Variants in PARD3B observed in about 807,000 individuals in gnomAD.
The protein encoded by PARD3B is par-3 family cell polarity regulator beta.
PARD3B carries 103 observed loss-of-function variants against 130.2 expected under a neutral mutation model. The ratio of observed to expected loss-of-function variants is 0.79; its 90% CI spans 0.67 to 0.93. The LOEUF (loss-of-function observed/expected upper bound fraction) is 0.93, where lower values mean the gene tolerates loss of function less well. Ranked by LOEUF, PARD3B falls within the 40% of genes least tolerant of loss-of-function variation. PARD3B has a pLI of 0.00. For missense variants in PARD3B, 1,609 were observed against 1,499.2 expected (o/e 1.07, Z -1.21); for synonymous variants, 583 against 553.2 (o/e 1.05, Z -0.76).
intron 12 of PARD3B, 25 bp downstream of exon 12, chr2:205,172,406 A>G (rs1336773911): frequency 6.2e-7 from 1 of 1,602,830 alleles, no homozygotes; most frequent in Admixed American, 1.7e-5. Context: ...GATTCTCCTC[A>G]GCCAGTTGCC....
At chr2:204,839,053 A>C (rs1575108544) in intron 2 of PARD3B, among the ~76,000 whole-genome samples, 2 of 152,318 alleles carry the variant, frequency 1.3e-5, no homozygotes, top group East Asian at 3.9e-4. Context: ...TTGATTTGCC[A>C]AATCTGTAGT....
chr2:204,761,180 G>A (rs544160928), intron 2 of PARD3B, among the ~76,000 whole-genome samples: 7 of 152,118 alleles, frequency 4.6e-5, no homozygotes, highest in Non-Finnish European at 1.0e-4. Context: ...GTATGGCCAA[G>A]GATGACTTTC....
At chr2:204,559,363 C>T (rs2125052987) in intron 1 of PARD3B, among the ~76,000 whole-genome samples, 1 of 152,296 alleles carries the variant, frequency 6.6e-6, no homozygotes, top group Non-Finnish European at 1.5e-5. Context: ...ACAACCCCAT[C>T]ACAAAGTGGG....
At chr2:205,574,304 T>C (rs1376736904) in intron 22 of PARD3B, among the ~76,000 whole-genome samples, 1 of 152,132 alleles carries the variant, frequency 6.6e-6, no homozygotes, top group Non-Finnish European at 1.5e-5. Flanking sequence ...AGACAAAACA[T>C]GTCACTTAAT....
chr2:204,637,072 T>A (rs1172415704), intron 1 of PARD3B, among the ~76,000 whole-genome samples: 1 of 152,062 alleles, frequency 6.6e-6, no homozygotes, highest in Non-Finnish European at 1.5e-5. Flanking sequence ...CATACTGTTT[T>A]AATGTGTTTT....
At chr2:205,529,294 C>A (rs142805607) in intron 21 of PARD3B, among the ~76,000 whole-genome samples, 98 of 152,272 alleles carry the variant, frequency 6.4e-4, no homozygotes, top group African/African-American at 2.3e-3. Flanking sequence ...TAATGAACTG[C>A]TGAAATACAC....
chr2:205,162,580 A>G (rs2034566521), intron 11 of PARD3B, among the ~76,000 whole-genome samples: 1 of 152,260 alleles, frequency 6.6e-6, no homozygotes, highest in Non-Finnish European at 1.5e-5. Context: ...AATATACTAA[A>G]TACAAGCATA....
At chr2:204,576,285 C>G (rs187043523) in intron 1 of PARD3B, among the ~76,000 whole-genome samples, 1 of 152,278 alleles carries the variant, frequency 6.6e-6, no homozygotes, top group East Asian at 1.9e-4. Context: ...GCCACCCTAA[C>G]CTTGCTACAC....
chr2:204,577,023 A>G (rs1310914716), intron 1 of PARD3B, among the ~76,000 whole-genome samples: 1 of 152,162 alleles, frequency 6.6e-6, no homozygotes, highest in East Asian at 1.9e-4. Context: ...CTTGAAAAAA[A>G]TTATTTTTCT....
chr2:205,441,329 G>A (rs1427164358), intron 20 of PARD3B, among the ~76,000 whole-genome samples: 1 of 152,176 alleles, frequency 6.6e-6, no homozygotes, highest in African/African-American at 2.4e-5. Flanking sequence ...ATTGAAGTAG[G>A]TAGAAAACAA....
intron 14 of PARD3B, among the ~76,000 whole-genome samples, chr2:205,186,907 C>T (rs1025701397): frequency 2.6e-5 from 4 of 152,092 alleles, no homozygotes; most frequent in African/African-American, 7.2e-5. Flanking sequence ...TAAAAAAAGC[C>T]ATTTAAAACA....
intron 5 of PARD3B, among the ~76,000 whole-genome samples, chr2:205,111,232 CT>C (rs1351106304): frequency 6.6e-6 from 1 of 151,808 alleles, no homozygotes; most frequent in African/African-American, 2.4e-5. Flanking sequence ...GTCTGCTAGG[CT>C]TTTTTTCTGG....
At chr2:205,431,818 T>C (rs1380898939) in intron 19 of PARD3B, among the ~76,000 whole-genome samples, 2 of 152,090 alleles carry the variant, frequency 1.3e-5, no homozygotes, top group Non-Finnish European at 2.9e-5. Context: ...TAATCTAACA[T>C]AAATGAAAGA....
rs1300230188 is a variant in PARD3B at position 205,460,728 on chromosome 2, T to C, written c.3044+20056T>C. Among the ~76,000 whole-genome samples, 1 of 152,320 alleles carries C rather than the reference T, an allele frequency of 6.6e-6. No individual in the cohort carries two copies. The highest frequency in any genetic ancestry group is 1.9e-4 in the East Asian group (1 of 5,180). On this transcript the variant is annotated intron_variant, in intron 20 of 22. Transcript: ENST00000406610. The surrounding 1 kb of genome is among the most constrained non-coding windows in gnomAD (Gnocchi z 4.9). Reference sequence around the variant, plus strand: ...GTATCTCATAAAATTCACAGAGGCCTGAATGAGTTAATGCATGGCAAACCT... The same window carrying C: ...GTATCTCATAAAATTCACAGAGGCCCGAATGAGTTAATGCATGGCAAACCT...
intron 20 of PARD3B, chr2:205,482,731 C>A (rs2049290289): frequency 6.6e-6 from 1 of 152,080 alleles, no homozygotes; most frequent in South Asian, 2.1e-4. Flanking sequence ...GGTAGAAACT[C>A]TCCCAGGGTA....
chr2:204,740,181 T>G (rs2039944748), intron 2 of PARD3B, among the ~76,000 whole-genome samples: 1 of 134,940 alleles, frequency 7.4e-6, no homozygotes. Flanking sequence ...CTGGCTAATC[T>G]TTTTTTTTTT....
chr2:205,522,456 G>T (rs1389089729), intron 21 of PARD3B, among the ~76,000 whole-genome samples: 1 of 151,624 alleles, frequency 6.6e-6, no homozygotes, highest in Non-Finnish European at 1.5e-5. Flanking sequence ...TTGCCTGGTG[G>T]CATTTATTAA....
At chr2:205,390,770 A>C (rs941658115) in intron 18 of PARD3B, among the ~76,000 whole-genome samples, 1 of 152,230 alleles carries the variant, frequency 6.6e-6, no homozygotes, top group Non-Finnish European at 1.5e-5. Flanking sequence ...TTCTCCATGC[A>C]TAACAAGGCA....
At chr2:204,964,467 G>A (rs1691043738) in intron 2 of PARD3B, among the ~76,000 whole-genome samples, 1 of 152,130 alleles carries the variant, frequency 6.6e-6, no homozygotes, top group South Asian at 2.1e-4. Context: ...AAATAAGATT[G>A]ACATATAATT....
Sources: gnomAD v4.1 joint callset for allele counts (sites outside exome capture counted in the v4.1 genomes callset) on GRCh38, gnomAD v4.1.1 for gene constraint, Gnocchi (gnomAD v3.1) non-coding constraint, MANE v1.5 for transcripts, NCBI Gene and HGNC (gene_info 2026-07-23, HGNC 2026-07-21) for gene names.